Variants in PCDH15 observed in about 807,000 individuals in gnomAD.
PCDH15 encodes protocadherin-15.
A neutral mutation model predicts 178.5 loss-of-function variants in PCDH15; 129 were observed. The ratio of observed to expected loss-of-function variants is 0.72; its 90% CI spans 0.63 to 0.84. The LOEUF is 0.84. Among genes scored for constraint, PCDH15 ranks in the 40% least tolerant of loss-of-function variants. PCDH15 has a pLI of 0.00. For synonymous variants in PCDH15, 800 were observed against 732.0 expected, an observed-to-expected ratio of 1.09 and a Z score of -1.50; for missense variants, 2,230 against 2,099.9, an observed-to-expected ratio of 1.06 and a Z score of -1.21.
At chr10:55,186,849 A>G (rs983776306) in intron 1 of PCDH15, among the ~76,000 whole-genome samples, 73 of 151,816 alleles carry the variant, frequency 4.8e-4, no homozygotes, top group African/African-American at 1.7e-3. Context: ...TTTATGCTTC[A>G]GTACTTAGTT....
rs1843246251 is a variant in PCDH15, at chr10:55,607,358, G to T, written c.-156+20267C>A. Among the ~76,000 whole-genome samples, 8 of 147,860 alleles carry T rather than the reference G, an allele frequency of 5.4e-5. No individual in the cohort carries two copies. The Admixed American group carries it at 5.4e-4, about 10-fold the overall frequency. On this transcript the variant is annotated intron_variant, in intron 2 of 5. Coordinates refer to the PCDH15 transcript ENST00000613346. ...AGTGTGGCGATTCCTCAGGGATCTAGAACTAGAAATACCATTTGACCCAGC... is the reference window on the plus strand; with the variant it reads ...AGTGTGGCGATTCCTCAGGGATCTATAACTAGAAATACCATTTGACCCAGC...
intron 2 of PCDH15, among the ~76,000 whole-genome samples, chr10:55,359,741 T>C (rs1413768971): frequency 1.7e-5 from 2 of 117,738 alleles, no homozygotes; most frequent in East Asian, 2.1e-4. Context: ...TATATATATA[T>C]ATATATACAC....
chr10:54,264,616 C>T (rs189141559), intron 8 of PCDH15, among the ~76,000 whole-genome samples: 65 of 152,090 alleles, frequency 4.3e-4, no homozygotes, highest in Non-Finnish European at 5.7e-4. Context: ...TTTCGAAATA[C>T]GGTTGGGAGT....
At chr10:54,725,539 A>ATT (rs201410371) in intron 1 of PCDH15, among the ~76,000 whole-genome samples, 13,926 of 133,438 alleles carry the variant, frequency 0.1, 924 homozygotes, top group Middle Eastern at 0.13. Context: ...TATAAATATA[A>ATT]TTATATATAT....
At chr10:53,969,381 A>G (rs2089419136) in intron 21 of PCDH15, among the ~76,000 whole-genome samples, 1 of 152,236 alleles carries the variant, frequency 6.6e-6, no homozygotes, top group Admixed American at 6.5e-5. Flanking sequence ...TCTACATCTG[A>G]TTAGTGTACC....
chr10:54,709,460 A>C (rs561317588), intron 1 of PCDH15, among the ~76,000 whole-genome samples: 10 of 151,534 alleles, frequency 6.6e-5, no homozygotes, highest in South Asian at 2.1e-4. Context: ...ATATGAGGAT[A>C]ATAATATCAA....
At chr10:55,487,860 T>G (rs1840329367) in intron 2 of PCDH15, among the ~76,000 whole-genome samples, 1 of 151,602 alleles carries the variant, frequency 6.6e-6, no homozygotes. Flanking sequence ...ACACTTGTCT[T>G]CATGACTGTA....
intron 1 of PCDH15, among the ~76,000 whole-genome samples, chr10:54,689,998 CA>C (rs565286370): frequency 1.8e-4 from 27 of 152,170 alleles, no homozygotes; most frequent in African/African-American, 6.5e-4. Context: ...TGTGGAGTTG[CA>C]AAAAATACAG....
chr10:54,386,065 T>C (rs1378605257), intron 3 of PCDH15, among the ~76,000 whole-genome samples: 1 of 151,830 alleles, frequency 6.6e-6, no homozygotes. Context: ...TGCATTGGTT[T>C]TGTATCCTAC....
chr10:53,806,547 A>T lies in PCDH15; in HGVS notation c.*32T>A. On this transcript the variant is annotated 3_prime_UTR_variant, in exon 38 of 38. Coordinates refer to ENST00000644397, the MANE Select transcript of PCDH15 (RefSeq NM_001384140.1). The stretch of plus-strand genomic sequence containing the variant: ...GCACAGTTTATTAAAAATGTAAGTA[A>T]AAATTAATTAAAATATCTTTTAAAA... 1 of 1,482,166 alleles carries T rather than the reference A, an allele frequency of 6.7e-7. No homozygotes were observed. Among genetic ancestry groups the T allele is most frequent in the Non-Finnish European group, 9.1e-7 (1 of 1,098,636 alleles). The allele number at this position is 1,482,166 out of a possible 1,614,324, so 91.8% of individuals were successfully genotyped here. A position where few individuals can be genotyped will look rare whatever the true frequency, so the allele number is the denominator to read the frequency against.
chr10:54,867,996 GA>G (rs2131789608), intron 3 of PCDH15, among the ~76,000 whole-genome samples: 1 of 152,228 alleles, frequency 6.6e-6, no homozygotes, highest in East Asian at 1.9e-4. Flanking sequence ...ATATGTATAT[GA>G]GGTGATATGT....
At chr10:55,352,927 G>A (rs561742203) in intron 2 of PCDH15, among the ~76,000 whole-genome samples, 3 of 152,108 alleles carry the variant, frequency 2.0e-5, no homozygotes, top group Non-Finnish European at 4.4e-5. Flanking sequence ...CTGAAAGTAT[G>A]CTCAGCAAAT....
At chr10:55,240,812 T>C (rs2132211363) in intron 1 of PCDH15, among the ~76,000 whole-genome samples, 1 of 152,308 alleles carries the variant, frequency 6.6e-6, no homozygotes, top group East Asian at 1.9e-4. Flanking sequence ...CTAGTGTTTC[T>C]TATTACCAAG....
At chr10:54,887,887 T>C (rs1954387682) in intron 3 of PCDH15, among the ~76,000 whole-genome samples, 1 of 152,146 alleles carries the variant, frequency 6.6e-6, no homozygotes, top group Non-Finnish European at 1.5e-5. Flanking sequence ...TTCTATCTTG[T>C]ACATCTTTTA....
intron 1 of PCDH15, among the ~76,000 whole-genome samples, chr10:55,167,558 T>G (rs1443976981): frequency 7.9e-5 from 12 of 152,176 alleles, no homozygotes. Flanking sequence ...AATATAAAAT[T>G]GAAGTTATAA....
At chr10:54,197,368 G>C (rs2049782587) in intron 10 of PCDH15, among the ~76,000 whole-genome samples, 1 of 151,896 alleles carries the variant, frequency 6.6e-6, no homozygotes, top group Admixed American at 6.6e-5. Context: ...TAATTTAAAG[G>C]AAGATTTCAT....
At chr10:54,711,299 T>C (rs2095426046) in intron 1 of PCDH15, among the ~76,000 whole-genome samples, 1 of 152,000 alleles carries the variant, frequency 6.6e-6, no homozygotes. Context: ...TAAAACAGCA[T>C]TAAGGAAGTG....
intron 13 of PCDH15, among the ~76,000 whole-genome samples, chr10:54,159,373 C>G (rs1187145602): frequency 6.6e-6 from 1 of 152,064 alleles, no homozygotes; most frequent in East Asian, 1.9e-4. Flanking sequence ...TGCTGGCTTT[C>G]CAGTCTTCAT....
intron 2 of PCDH15, among the ~76,000 whole-genome samples, chr10:55,165,790 T>A (rs1265604232): frequency 6.6e-6 from 1 of 152,060 alleles, no homozygotes; most frequent in Admixed American, 6.6e-5. Flanking sequence ...ATTTCTTCTT[T>A]AATAATATTT....
Sources: gnomAD v4.1 joint callset for allele counts (sites outside exome capture counted in the v4.1 genomes callset) on GRCh38, gnomAD v4.1.1 for gene constraint, MANE v1.5 for transcripts, NCBI Gene and HGNC (gene_info 2026-07-23, HGNC 2026-07-21) for gene names.